The following GID4 variants were observed in gnomAD, a reference collection of about 807,000 sequenced individuals.
GID4 encodes glucose-induced degradation protein 4 homolog.
A neutral mutation model predicts 32.4 loss-of-function variants in GID4; 7 were observed. The ratio of observed to expected loss-of-function variants is 0.22; its 90% CI spans 0.12 to 0.41. The LOEUF (loss-of-function observed/expected upper bound fraction) is 0.41, where lower values mean the gene tolerates loss of function less well. Ranked by LOEUF, GID4 falls within the 10% of genes least tolerant of loss-of-function variation. The probability of loss-of-function intolerance (pLI) is 1.00; values close to 1 mark genes in which losing one functional copy is unlikely to be tolerated. For synonymous variants in GID4, 166 were observed against 170.0 expected (o/e 0.98, Z 0.18); for missense variants, 309 against 400.0 (o/e 0.77, Z 1.94).
rs749155749 is a variant in GID4 at position 18,058,970 on chromosome 17, G to GTA, written c.708+2_708+3dup. On this transcript the variant is annotated splice_donor_variant, in intron 4 of 5. Coordinates refer to ENST00000268719, the MANE Select transcript of GID4 (RefSeq NM_024052.5). LOFTEE classifies it high-confidence loss of function. ...AGACTACGTCTTCATGAGGTGGAAG[G>GTA]TAAGTTCCCACCAGGTGGCCCTCCA... The GTA allele has an allele frequency of 6.3e-7, 1 of 1,587,978 alleles. No individual in the cohort carries two copies. The highest frequency in any genetic ancestry group is 1.3e-5 in the African/African-American group (1 of 74,350).
At chr17:18,042,151 TTTTC>T (rs1205020367) in intron 1 of GID4, among the ~76,000 whole-genome samples, 2 of 152,232 alleles carry the variant, frequency 1.3e-5, no homozygotes, top group Admixed American at 6.5e-5. Flanking sequence ...TTTTGTTTTG[TTTTC>T]TTTCTTTCTT....
At chr17:18,048,200 C>T (rs1387423835) in intron 2 of GID4, among the ~76,000 whole-genome samples, 1 of 145,858 alleles carries the variant, frequency 6.9e-6, no homozygotes, top group Admixed American at 7.0e-5. Context: ...CACGCCTGGC[C>T]GATAACTTTT....
chr17:18,060,699 C>T (rs1190026461), intron 4 of GID4, among the ~76,000 whole-genome samples: 3 of 151,558 alleles, frequency 2.0e-5, no homozygotes, highest in Non-Finnish European at 4.4e-5. Context: ...ACTACAAGCG[C>T]GTACCACCAC....
intron 2 of GID4, among the ~76,000 whole-genome samples, chr17:18,053,145 G>C (rs11658257): frequency 0.59 from 87,759 of 147,962 alleles, 27,152 homozygotes; most frequent in Non-Finnish European, 0.68. Context: ...TCCCGAGTAG[G>C]TGGGATTACA....
chr17:18,057,709 C>T (rs995540233), intron 3 of GID4, among the ~76,000 whole-genome samples: 2 of 151,720 alleles, frequency 1.3e-5, no homozygotes, highest in Non-Finnish European at 2.9e-5. Context: ...AGTTTTGTAA[C>T]CTATTCCTAA....
rs1156748688 is a variant in GID4 at position 18,065,377 on chromosome 17, G to C, written c.*134G>C. 9.7e-6 allele frequency: 7 copies of C among 718,938 alleles called. No individual in the cohort carries two copies. The highest frequency in any genetic ancestry group is 1.7e-5 in the Non-Finnish European group (7 of 408,418). The allele number at this position is 718,938 out of a possible 1,614,324, so 44.5% of individuals were successfully genotyped here. A position where few individuals can be genotyped will look rare whatever the true frequency, so the allele number is the denominator to read the frequency against. On this transcript the variant is annotated 3_prime_UTR_variant, in exon 6 of 6. Coordinates refer to ENST00000268719, the MANE Select transcript of GID4 (RefSeq NM_024052.5). Reference sequence around the variant, plus strand: ...CGAGCAGACTCGCATCACAAAGCATGAATGTTAACCCACAGAATCCAAGGA... The same window carrying C: ...CGAGCAGACTCGCATCACAAAGCATCAATGTTAACCCACAGAATCCAAGGA...
chr17:18,060,227 G>A (rs1190098200), intron 4 of GID4, among the ~76,000 whole-genome samples: 1 of 151,368 alleles, frequency 6.6e-6, no homozygotes, highest in East Asian at 1.9e-4. Context: ...GTGAAACCCC[G>A]TCTTTACTAA....
chr17:18,057,307 C>G (rs1429325002), intron 3 of GID4: 3 of 325,472 alleles, frequency 9.2e-6, no homozygotes, highest in Non-Finnish European at 1.7e-5. Context: ...TGGCACACAC[C>G]TGTAATCCCA....
At chr17:18,057,413 CA>C in intron 3 of GID4, 1 of 164,324 alleles carries the variant, frequency 6.1e-6, no homozygotes, top group Non-Finnish European at 1.3e-5. Context: ...GCCTGAGCAA[CA>C]AGAGCAAGAC....
chr17:18,046,761 A>C (rs2044856912), intron 2 of GID4, among the ~76,000 whole-genome samples: 1 of 152,090 alleles, frequency 6.6e-6, no homozygotes, highest in Non-Finnish European at 1.5e-5. Context: ...ATCTTTACTA[A>C]AAATATAAAA....
rs559258582 is a variant in GID4 at position 18,066,049 on chromosome 17, A to G, written c.*806A>G. 6.6e-6 allele frequency: 1 copy of G among 152,510 alleles called. No individual in the cohort carries two copies. The highest frequency in any genetic ancestry group is 2.1e-4 in the South Asian group (1 of 4,832). The allele number at this position is 152,510 out of a possible 1,614,324, so 9.4% of individuals were successfully genotyped here. A position where few individuals can be genotyped will look rare whatever the true frequency, so the allele number is the denominator to read the frequency against. On this transcript the variant is annotated 3_prime_UTR_variant, in exon 6 of 6. Coordinates refer to ENST00000268719, the MANE Select transcript of GID4 (RefSeq NM_024052.5). The stretch of plus-strand genomic sequence containing the variant: ...GTTTTTTTATTACAAAATTATTTTT[A>G]TGGTCCCTTTAACGAGGACCCTATG...
chr17:18,051,009 G>A (rs543188344), intron 2 of GID4, among the ~76,000 whole-genome samples: 76 of 152,196 alleles, frequency 5.0e-4, no homozygotes, highest in Admixed American at 9.8e-4. Flanking sequence ...CATTTATTAG[G>A]TATTTATTTT....
At chr17:18,045,623 G>A (rs537443290) in intron 2 of GID4, among the ~76,000 whole-genome samples, 25 of 152,066 alleles carry the variant, frequency 1.6e-4, no homozygotes, top group African/African-American at 5.3e-4. Flanking sequence ...GACTGGTCGC[G>A]GTGGCTCATG....
intron 3 of GID4, among the ~76,000 whole-genome samples, chr17:18,057,925 C>T (rs2044984411): frequency 6.6e-6 from 1 of 152,138 alleles, no homozygotes; most frequent in East Asian, 1.9e-4. Context: ...GCTCCGCCTC[C>T]CGGGTTCACG....
At chr17:18,042,149 T>C (rs904754153) in intron 1 of GID4, among the ~76,000 whole-genome samples, 1 of 152,266 alleles carries the variant, frequency 6.6e-6, no homozygotes, top group African/African-American at 2.4e-5. Flanking sequence ...TGTTTTGTTT[T>C]GTTTTCTTTC....
chr17:18,058,437 C>G (rs1331133490), intron 3 of GID4, among the ~76,000 whole-genome samples: 1 of 152,210 alleles, frequency 6.6e-6, no homozygotes, highest in Non-Finnish European at 1.5e-5. Context: ...CATGCAGAGA[C>G]ACAAGCTTCA....
At chr17:18,047,800 A>G (rs957771058) in intron 2 of GID4, among the ~76,000 whole-genome samples, 1 of 152,206 alleles carries the variant, frequency 6.6e-6, no homozygotes, top group East Asian at 1.9e-4. Context: ...AATGTTTTTT[A>G]GTAGCTTTAT....
At chr17:18,054,376 G>A in intron 3 of GID4, 142 bp downstream of exon 3, 1 of 534,624 alleles carries the variant, frequency 1.9e-6, no homozygotes, top group Non-Finnish European at 3.4e-6. Flanking sequence ...ACAGACCTCA[G>A]TTGTTCCATC....
rs71155311 is a variant in GID4 at position 18,046,922 on chromosome 17, CAA to C, written c.498+1738_498+1739del. Among the ~76,000 whole-genome samples, 1,099 of 115,664 alleles carry C rather than the reference CAA, an allele frequency of 9.5e-3. 8 individuals carry two copies. Among genetic ancestry groups the C allele is most frequent in the East Asian group, 0.047 (137 of 2,894 alleles). The allele number at this position is 115,664 out of a possible 152,430, so 75.9% of individuals were successfully genotyped here. A position where few individuals can be genotyped will look rare whatever the true frequency, so the allele number is the denominator to read the frequency against. Reference sequence around the variant, plus strand: ...GAGCAACAAGAGCGAAACTTTGTCTCAAAAAAAAAAAAAAAAAAAAAAATCCC... The same window carrying C: ...GAGCAACAAGAGCGAAACTTTGTCTCAAAAAAAAAAAAAAAAAAAAATCCC... On this transcript the variant is annotated intron_variant, in intron 2 of 5. Transcript: ENST00000268719.
Sources: allele counts gnomAD v4.1 joint callset (sites outside exome capture counted in the v4.1 genomes callset), GRCh38; gene constraint gnomAD v4.1.1; transcripts MANE v1.5; gene names NCBI Gene and HGNC (gene_info 2026-07-23, HGNC 2026-07-21).